AP1S3: variants seen among roughly 807,000 people sequenced by gnomAD.
AP1S3 encodes AP-1 complex subunit sigma-3.
AP1S3 carries 10 observed loss-of-function variants against 20.9 expected under a neutral mutation model. The ratio of observed to expected loss-of-function variants is 0.48; its 90% confidence interval spans 0.29 to 0.81. The LOEUF is 0.81. Ranked by LOEUF, AP1S3 falls within the 30% of genes least tolerant of loss-of-function variation. The pLI is 0.08. For synonymous variants in AP1S3, 41 were observed against 61.5 expected, an observed-to-expected ratio of 0.67 and a Z score of 1.56; for missense variants, 154 against 183.8, an observed-to-expected ratio of 0.84 and a Z score of 0.94.
chr2:223,774,811 A>G (rs1224485335), intron 3 of AP1S3, among the ~76,000 whole-genome samples: 2 of 152,220 alleles, frequency 1.3e-5, no homozygotes, highest in African/African-American at 4.8e-5. Context: ...TTCCAATCAC[A>G]AGACAGAACG....
chr2:223,805,176 C>G (rs897765600), intron 1 of AP1S3, among the ~76,000 whole-genome samples: 1 of 150,866 alleles, frequency 6.6e-6, no homozygotes, highest in Non-Finnish European at 1.5e-5. Context: ...CCGAGGCTCA[C>G]GCCTCTAATC....
rs925694833 is a variant in AP1S3 at position 223,769,577 on chromosome 2, G to T, written c.292-4227C>A. On this transcript the variant is annotated intron_variant, in intron 3 of 4. Transcript: ENST00000396654. ...TTTGAATGATTCTTTCGGTGTCACA[G>T]ATACTGTCTCCTTTCCCTGCTGTTG... Among the ~76,000 whole-genome samples the T allele has an allele frequency of 4.1e-5, 6 of 147,792 alleles. No individual in the cohort carries two copies. The East Asian group carries it at 1.2e-3, about 30-fold the overall frequency.
chr2:223,775,620 T>A (rs867553750), intron 3 of AP1S3, among the ~76,000 whole-genome samples: 7 of 152,142 alleles, frequency 4.6e-5, no homozygotes, highest in South Asian at 2.1e-4. Context: ...GTGGGAGAAT[T>A]GCTTGAGGCC....
intron 1 of AP1S3, among the ~76,000 whole-genome samples, chr2:223,809,866 A>C (rs545470239): frequency 8.5e-4 from 128 of 151,420 alleles, no homozygotes; most frequent in Middle Eastern, 3.4e-3. Context: ...GCAGCTGGGA[A>C]TACAGACACA....
At chr2:223,769,162 TC>T (rs1690550510) in intron 3 of AP1S3, among the ~76,000 whole-genome samples, 1 of 152,214 alleles carries the variant, frequency 6.6e-6, no homozygotes, top group African/African-American at 2.4e-5. Context: ...TTGGGCTGTT[TC>T]CAGTTTTTAT....
At chr2:223,837,374 G>T (rs1165147617) in intron 1 of AP1S3, 74 bp downstream of exon 1, 6 of 773,730 alleles carry the variant, frequency 7.8e-6, no homozygotes, top group Non-Finnish European at 1.0e-5. Flanking sequence ...CGCCCGGCCC[G>T]GACGCCCCAG....
At chr2:223,790,396 T>G (rs1691188455) in intron 1 of AP1S3, among the ~76,000 whole-genome samples, 2 of 152,068 alleles carry the variant, frequency 1.3e-5, no homozygotes, top group African/African-American at 4.8e-5. Flanking sequence ...CATGCCTGGC[T>G]AATTTTTTTT....
intron 1 of AP1S3, among the ~76,000 whole-genome samples, chr2:223,814,872 G>A (rs1456877299): frequency 6.6e-6 from 1 of 152,128 alleles, no homozygotes; most frequent in Non-Finnish European, 1.5e-5. Context: ...AACCTCCTGG[G>A]CTCAGGAGAT....
chr2:223,820,628 T>C (rs1027600626), intron 1 of AP1S3, among the ~76,000 whole-genome samples: 4 of 146,704 alleles, frequency 2.7e-5, no homozygotes, highest in Non-Finnish European at 4.5e-5. Flanking sequence ...TCATATTCTA[T>C]ATACCTAGGA....
intron 1 of AP1S3, among the ~76,000 whole-genome samples, chr2:223,805,627 A>T (rs1691562021): frequency 6.6e-6 from 1 of 152,308 alleles, no homozygotes; most frequent in East Asian, 1.9e-4. Context: ...ATTTACTTTA[A>T]CAAATAAGTG....
At chr2:223,772,324 T>C (rs769695631) in intron 3 of AP1S3, among the ~76,000 whole-genome samples, 17 of 152,100 alleles carry the variant, frequency 1.1e-4, no homozygotes, top group South Asian at 8.3e-4. Context: ...AATCCTTGAA[T>C]TGGTGAGAGA....
At chr2:223,816,110 A>G (rs1033289176) in intron 1 of AP1S3, among the ~76,000 whole-genome samples, 12 of 152,196 alleles carry the variant, frequency 7.9e-5, no homozygotes, top group African/African-American at 2.9e-4. Context: ...ACCTCTTAAA[A>G]ATAGAAAGTC....
chr2:223,817,906 C>T (rs575058562), intron 1 of AP1S3, among the ~76,000 whole-genome samples: 2 of 151,962 alleles, frequency 1.3e-5, no homozygotes, highest in East Asian at 1.9e-4. Context: ...GTATTCTACA[C>T]GACAATTACA....
intron 4 of AP1S3, 44 bp downstream of exon 4, chr2:223,765,169 C>CATCATA (rs780822509): frequency 5.0e-6 from 8 of 1,606,476 alleles, no homozygotes; most frequent in Non-Finnish European, 5.9e-6. Flanking sequence ...CCATCATCAT[C>CATCATA]ATCATCATCA....
At chr2:223,775,687 A>T (rs1426780725) in intron 3 of AP1S3, among the ~76,000 whole-genome samples, 2 of 152,208 alleles carry the variant, frequency 1.3e-5, no homozygotes, top group Non-Finnish European at 2.9e-5. Context: ...TTTAAAAAGA[A>T]AAAAGGAAAG....
intron 1 of AP1S3, among the ~76,000 whole-genome samples, chr2:223,808,078 C>T (rs1471299178): frequency 6.6e-6 from 1 of 151,704 alleles, no homozygotes. Context: ...TTTGTAGAGA[C>T]AAGATTTCAC....
chr2:223,765,630 T>C (rs1690459805), intron 3 of AP1S3, among the ~76,000 whole-genome samples: 1 of 152,192 alleles, frequency 6.6e-6, no homozygotes, highest in Admixed American at 6.5e-5. Flanking sequence ...TCGGCTCCTC[T>C]TCCTATCTGC....
chr2:223,832,109 T>A (rs1692277552), intron 1 of AP1S3, among the ~76,000 whole-genome samples: 1 of 147,554 alleles, frequency 6.8e-6, no homozygotes, highest in Non-Finnish European at 1.5e-5. Flanking sequence ...GGACTTATTC[T>A]GGGGATTATT....
At chr2:223,759,808 C>T (rs1690308499) in intron 4 of AP1S3, among the ~76,000 whole-genome samples, 1 of 152,054 alleles carries the variant, frequency 6.6e-6, no homozygotes, top group African/African-American at 2.4e-5. Flanking sequence ...TGTGTTGTTC[C>T]CTTCTATGTG....
Sources: gnomAD v4.1 joint callset for allele counts (sites outside exome capture counted in the v4.1 genomes callset) on GRCh38, gnomAD v4.1.1 for gene constraint, MANE v1.5 for transcripts, NCBI Gene and HGNC (gene_info 2026-07-23, HGNC 2026-07-21) for gene names.